Variants in GPM6A observed in about 807,000 individuals in gnomAD.
GPM6A encodes the protein neuronal membrane glycoprotein M6-a.
A neutral mutation model predicts 32.1 loss-of-function variants in GPM6A; 7 were observed. That is an observed-to-expected ratio of 0.22 (90% CI 0.12 to 0.41). The LOEUF is 0.41. Among genes scored for constraint, GPM6A ranks in the 10% least tolerant of loss-of-function variants. The probability of loss-of-function intolerance (pLI) is 1.00; values close to 1 mark genes in which losing one functional copy is unlikely to be tolerated. For synonymous variants in GPM6A, 130 were observed against 123.4 expected (o/e 1.05, Z -0.35); for missense variants, 235 against 347.2 (o/e 0.68, Z 2.57).
chr4:175,901,402 C>A (rs1579611196), intron 1 of GPM6A, among the ~76,000 whole-genome samples: 1 of 151,440 alleles, frequency 6.6e-6, no homozygotes, highest in South Asian at 2.1e-4. Flanking sequence ...ATTTCATGTA[C>A]CCCATAAATA....
intron 1 of GPM6A, among the ~76,000 whole-genome samples, chr4:175,748,172 G>C (rs550671133): frequency 3.0e-4 from 45 of 152,092 alleles, no homozygotes; most frequent in Non-Finnish European, 5.9e-4. Context: ...ACGAGGGTTG[G>C]AATCAACTTC....
In GPM6A at chr4:175,864,215, G is replaced by T. The variant is rs114737729; in HGVS notation, c.-22-51966C>A. 8.9e-3 allele frequency among the ~76,000 whole-genome samples: 1,354 copies of T among 152,278 alleles called. 17 individuals are homozygous for T. Among genetic ancestry groups the T allele is most frequent in the African/African-American group, 0.031 (1,275 of 41,544 alleles). ...AAAGGGCCTGACTGTGGCCCAGGTT[G>T]TAATGAAGTGGCACGGTAATGGCTC... On this transcript the variant is annotated intron_variant, in intron 1 of 7. Transcript: ENST00000280187.
chr4:175,637,665 A>AATAT (rs1161373497), intron 6 of GPM6A, among the ~76,000 whole-genome samples: 39 of 16,696 alleles, frequency 2.3e-3, no homozygotes, highest in African/African-American at 3.6e-3. Flanking sequence ...TAAAATATAT[A>AATAT]ATATATATAA....
chr4:175,756,710 C>G (rs936626992), intron 1 of GPM6A, among the ~76,000 whole-genome samples: 1 of 151,982 alleles, frequency 6.6e-6, no homozygotes, highest in Admixed American at 6.6e-5. Flanking sequence ...TATAAAACAC[C>G]TGTACACGGT....
chr4:175,829,691 A>T (rs1279520698), intron 1 of GPM6A, among the ~76,000 whole-genome samples: 1 of 146,970 alleles, frequency 6.8e-6, no homozygotes, highest in Non-Finnish European at 1.5e-5. Context: ...TATATTACAT[A>T]TATGTATATA....
At chr4:175,839,321 A>G (rs1560959241) in intron 1 of GPM6A, among the ~76,000 whole-genome samples, 1 of 152,214 alleles carries the variant, frequency 6.6e-6, no homozygotes. Flanking sequence ...AAACATTTCT[A>G]ACTAAGACTA....
At chr4:175,777,327 C>A (rs928314862) in intron 1 of GPM6A, among the ~76,000 whole-genome samples, 5 of 152,020 alleles carry the variant, frequency 3.3e-5, no homozygotes, top group Non-Finnish European at 5.9e-5. Flanking sequence ...AACCTTGGCA[C>A]ACCTGTTTAT....
intron 1 of GPM6A, among the ~76,000 whole-genome samples, chr4:175,906,066 C>A (rs1218453718): frequency 6.6e-6 from 1 of 152,002 alleles, no homozygotes; most frequent in Non-Finnish European, 1.5e-5. Flanking sequence ...ACATTTAAGG[C>A]CCATTAAGTC....
At chr4:175,764,518 C>T (rs1732882070) in intron 1 of GPM6A, among the ~76,000 whole-genome samples, 1 of 151,944 alleles carries the variant, frequency 6.6e-6, no homozygotes. Flanking sequence ...GCTTCTTTTC[C>T]AAATAAAAAT....
chr4:175,776,945 A>G (rs1307455486), intron 1 of GPM6A, among the ~76,000 whole-genome samples: 3 of 152,246 alleles, frequency 2.0e-5, no homozygotes, highest in African/African-American at 7.2e-5. Flanking sequence ...AGCCCTGTAT[A>G]AAGAAAATAC....
chr4:175,961,258 G>A (rs75419371), intron 1 of GPM6A: 1 of 152,086 alleles, frequency 6.6e-6, no homozygotes, highest in African/African-American at 2.4e-5. Context: ...TTTTAAAGAA[G>A]AATGTTCATT....
intron 1 of GPM6A, among the ~76,000 whole-genome samples, chr4:175,936,090 G>C (rs1313303239): frequency 6.6e-6 from 1 of 151,566 alleles, no homozygotes; most frequent in African/African-American, 2.4e-5. Flanking sequence ...TGGATCATGA[G>C]GTCAGGTGAT....
intron 1 of GPM6A, among the ~76,000 whole-genome samples, chr4:175,717,809 T>G (rs1389397523): frequency 6.6e-6 from 1 of 152,246 alleles, no homozygotes. Flanking sequence ...ATAATTTTTC[T>G]AATGTCTTGT....
intron 1 of GPM6A, among the ~76,000 whole-genome samples, chr4:175,817,755 A>G (rs746655166): frequency 2.4e-4 from 37 of 152,236 alleles, no homozygotes; most frequent in Non-Finnish European, 5.1e-4. Flanking sequence ...AGAACATGTA[A>G]TAGACTAACA....
At chr4:175,973,232 A>C (rs1481434449) in intron 1 of GPM6A, among the ~76,000 whole-genome samples, 1 of 152,206 alleles carries the variant, frequency 6.6e-6, no homozygotes, top group East Asian at 1.9e-4. Context: ...TTCAAACCAA[A>C]AGCAGTCCAC....
chr4:175,786,695 T>C (rs1009804321), intron 1 of GPM6A, among the ~76,000 whole-genome samples: 1 of 152,060 alleles, frequency 6.6e-6, no homozygotes, highest in Non-Finnish European at 1.5e-5. Flanking sequence ...TTGTCCATGT[T>C]CCCTTGAGTC....
chr4:175,797,742 T>G (rs1560938452), intron 1 of GPM6A, among the ~76,000 whole-genome samples: 1 of 152,198 alleles, frequency 6.6e-6, no homozygotes, highest in Non-Finnish European at 1.5e-5. Context: ...CTTTTTATTT[T>G]CAAAGGCAAA....
At chr4:175,900,324 AAAGGAAAGGAAAGGAAAGG>A (rs1737921473) in intron 1 of GPM6A, among the ~76,000 whole-genome samples, 2 of 47,858 alleles carry the variant, frequency 4.2e-5, no homozygotes, top group African/African-American at 1.3e-4. Context: ...AAAGGAAAGG[AAAGGAAAGGAAAGGAAAGG>A]AAAGGAAAAG....
At chr4:175,668,861 T>A (rs1472418469) in intron 3 of GPM6A, among the ~76,000 whole-genome samples, 2 of 152,178 alleles carry the variant, frequency 1.3e-5, no homozygotes, top group African/African-American at 4.8e-5. Context: ...AAGACCCTCG[T>A]AAACAGATAA....
Sources: gnomAD v4.1 joint callset for allele counts (sites outside exome capture counted in the v4.1 genomes callset) on GRCh38, gnomAD v4.1.1 for gene constraint, MANE v1.5 for transcripts, NCBI Gene and HGNC (gene_info 2026-07-23, HGNC 2026-07-21) for gene names.